The following EXD3 variants were observed in gnomAD, a reference collection of about 807,000 sequenced individuals.
EXD3 encodes the protein exonuclease 3'-5' domain containing 3.
EXD3 carries 92 observed loss-of-function variants against 98.0 expected under a neutral mutation model. That is an observed-to-expected ratio of 0.94 (90% CI 0.79 to 1.12). The LOEUF (loss-of-function observed/expected upper bound fraction) is 1.12. EXD3 is among the 50% of genes most tolerant of loss of function. EXD3 has a pLI of 0.00. For missense variants in EXD3, 1,222 were observed against 1,191.6 expected, an observed-to-expected ratio of 1.03 and a Z score of -0.38; for synonymous variants, 569 against 526.0, an observed-to-expected ratio of 1.08 and a Z score of -1.12.
chr9:137,411,572 C>T (rs1837998576), intron 1 of EXD3, among the ~76,000 whole-genome samples: 3 of 151,926 alleles, frequency 2.0e-5, no homozygotes, highest in Admixed American at 2.0e-4. Context: ...CACAAGAACC[C>T]AGGTTGCTGG....
intron 3 of EXD3, among the ~76,000 whole-genome samples, chr9:137,382,136 G>GGAGGTGAGGGCGCGGGGAC (rs1836335697): frequency 7.0e-6 from 1 of 142,680 alleles, no homozygotes; most frequent in Admixed American, 6.9e-5. Context: ...GGCGCGGGGA[G>GGAGGTGAGGGCGCGGGGAC]GAGGTGAGGG....
intron 1 of EXD3, among the ~76,000 whole-genome samples, chr9:137,416,458 G>A (rs893025703): frequency 3.3e-5 from 5 of 152,220 alleles, no homozygotes; most frequent in African/African-American, 7.2e-5. Flanking sequence ...GCAGCCCACC[G>A]CCTCACCTCC....
Position 137,348,077 on chromosome 9 carries a change from C to T in EXD3, c.1992G>A (p.Ala664=), listed in dbSNP as rs202080579. The T allele has an allele frequency of 2.9e-4, 466 of 1,610,432 alleles. No individual in the cohort carries two copies. In the African/African-American group the frequency reaches 4.4e-3, roughly 15 times the overall value. Residue 664 remains alanine, a synonymous_variant, in exon 17 of 22, where the codon GCG becomes GCA. Coordinates refer to ENST00000340951, the MANE Select transcript of EXD3 (RefSeq NM_017820.5). ...MLGNGEDHRR[A]AEVARQEGRI... The stretch of plus-strand genomic sequence containing the variant: ...ACCCTCCCCGCAAACTCACCTCGGC[C>T]GCCCTGCGGTGGTCTTCACCATTGC...
chr9:137,319,402 G>A (rs1831902820), intron 19 of EXD3, among the ~76,000 whole-genome samples: 1 of 152,220 alleles, frequency 6.6e-6, no homozygotes, highest in Admixed American at 6.5e-5. Flanking sequence ...CTTCACCTCT[G>A]GGGTAGGGAT....
Position 137,406,297 on chromosome 9 carries a change from A to T in EXD3, c.-47-10893T>A, listed in dbSNP as rs184422962. Among the ~76,000 whole-genome samples the T allele has an allele frequency of 2.5e-3, 380 of 151,684 alleles. 2 individuals are homozygous for T. Among genetic ancestry groups the T allele is most frequent in the African/African-American group, 9.1e-3 (374 of 41,224 alleles). On this transcript the variant is annotated intron_variant, in intron 1 of 21. Transcript: ENST00000340951. ...ATAAAAGGCAAGGAAAAAGGAAAAA[A>T]AAAAGAAAAAGAAAAGAAAAAGAAA...
At chr9:137,357,363 T>C (rs890049364) in intron 7 of EXD3, 3 of 152,178 alleles carry the variant, frequency 2.0e-5, no homozygotes, top group African/African-American at 7.2e-5. Flanking sequence ...CTTCCTGGAA[T>C]CCCAGTTATT....
At chr9:137,318,708 G>A (rs983521066) in intron 19 of EXD3, among the ~76,000 whole-genome samples, 9 of 151,828 alleles carry the variant, frequency 5.9e-5, no homozygotes, top group Non-Finnish European at 8.8e-5. Context: ...GGCCATCCTC[G>A]CTCGAGGGGA....
At chr9:137,308,778 AGGCGTGT>A (rs1237966270) in intron 20 of EXD3, among the ~76,000 whole-genome samples, 3 of 151,886 alleles carry the variant, frequency 2.0e-5, no homozygotes, top group Non-Finnish European at 4.4e-5. Flanking sequence ...CTGGGACCAC[AGGCGTGT>A]GCCACCACAC....
chr9:137,367,022 C>T (rs963114877), intron 6 of EXD3, among the ~76,000 whole-genome samples: 9 of 152,238 alleles, frequency 5.9e-5, no homozygotes, highest in Admixed American at 1.3e-4. Flanking sequence ...CACACGCTGT[C>T]GGTGCCTCCA....
intron 8 of EXD3, 114 bp downstream of exon 8, chr9:137,356,154 G>T: frequency 1.4e-6 from 1 of 738,364 alleles, no homozygotes; most frequent in Non-Finnish European, 2.2e-6. Context: ...CTCTGGGAAG[G>T]TTGGTCTTGG....
intron 3 of EXD3, among the ~76,000 whole-genome samples, chr9:137,378,957 T>G (rs1215534437): frequency 4.0e-5 from 4 of 98,926 alleles, no homozygotes; most frequent in African/African-American, 7.9e-5. Flanking sequence ...TGGGTGACGG[T>G]GACCATTGCC....
chr9:137,372,539 G>A (rs896855624), intron 5 of EXD3, among the ~76,000 whole-genome samples: 7 of 152,244 alleles, frequency 4.6e-5, no homozygotes, highest in East Asian at 3.8e-4. Flanking sequence ...TGAAGGTTCC[G>A]GAGGCGCAGA....
intron 2 of EXD3, among the ~76,000 whole-genome samples, chr9:137,388,466 G>A (rs1054531065): frequency 2.6e-5 from 4 of 152,164 alleles, no homozygotes; most frequent in Non-Finnish European, 4.4e-5. Context: ...AGACGCACGC[G>A]GGAAACTGTG....
intron 2 of EXD3, among the ~76,000 whole-genome samples, chr9:137,394,696 C>T (rs1474575951): frequency 8.4e-6 from 1 of 119,616 alleles, no homozygotes; most frequent in Non-Finnish European, 2.0e-5. Context: ...TCTGGCAGGG[C>T]AGCCGAGCGA....
At chr9:137,372,561 A>G (rs1048301722) in intron 5 of EXD3, among the ~76,000 whole-genome samples, 18 of 152,240 alleles carry the variant, frequency 1.2e-4, no homozygotes, top group African/African-American at 4.1e-4. Context: ...GCTAACAGAC[A>G]TGGTGGGGCG....
intron 4 of EXD3, 35 bp downstream of exon 4, chr9:137,373,391 A>G: frequency 6.3e-7 from 1 of 1,596,148 alleles, no homozygotes; most frequent in Non-Finnish European, 8.5e-7. Flanking sequence ...CAGGGGCAGG[A>G]AGGGAGGTGA....
intron 1 of EXD3, among the ~76,000 whole-genome samples, chr9:137,399,244 G>A (rs1837372473): frequency 6.6e-6 from 1 of 152,182 alleles, no homozygotes; most frequent in African/African-American, 2.4e-5. Context: ...GCATCTTCTG[G>A]GGAGACCCCG....
chr9:137,356,966 G>A lies in EXD3; in HGVS notation c.657-598C>T, dbSNP rs551582536. The stretch of plus-strand genomic sequence containing the variant: ...GGGTGTTTCCCAAGATAAGGTCCAC[G>A]GGGTATTTTTGGAGATGTGCACCTC... On this transcript the variant is annotated intron_variant, in intron 7 of 21. Transcript: ENST00000340951. Among the ~76,000 whole-genome samples the A allele has an allele frequency of 5.3e-5, 8 of 152,328 alleles. No homozygotes were observed. The Middle Eastern group carries it at 0.01, about 196-fold the overall frequency.
chr9:137,373,164 CCTGCCA>C, intron 4 of EXD3, 92 bp from the exon 5 acceptor site: 7 of 1,423,918 alleles, frequency 4.9e-6, no homozygotes, highest in Non-Finnish European at 6.6e-6. Flanking sequence ...GGAAGCAGCG[CCTGCCA>C]CTGTGGCCAT....
Sources: gnomAD v4.1 joint callset for allele counts (sites outside exome capture counted in the v4.1 genomes callset) on GRCh38, gnomAD v4.1.1 for gene constraint, MANE v1.5 for transcripts, NCBI Gene and HGNC (gene_info 2026-07-23, HGNC 2026-07-21) for gene names.